Variants in FSTL5 observed in about 807,000 individuals in gnomAD.
FSTL5 encodes follistatin like 5.
In FSTL5, 62 loss-of-function variants were observed where a neutral mutation model predicts 89.1. The ratio of observed to expected loss-of-function variants is 0.70; its 90% CI spans 0.57 to 0.86. FSTL5 has a LOEUF of 0.86. Among genes scored for constraint, FSTL5 ranks in the 40% least tolerant of loss-of-function variants. The pLI is 0.00. For missense variants in FSTL5, 1,057 were observed against 1,001.6 expected, an observed-to-expected ratio of 1.06 and a Z score of -0.75; for synonymous variants, 383 against 346.2, an observed-to-expected ratio of 1.11 and a Z score of -1.18.
At chr4:161,654,922 G>A (rs140917919) in intron 7 of FSTL5, among the ~76,000 whole-genome samples, 1 of 152,240 alleles carries the variant, frequency 6.6e-6, no homozygotes, top group Non-Finnish European at 1.5e-5. Context: ...AGAAGGAACA[G>A]GTGATTGCCC....
At chr4:162,118,266 GTCT>G (rs1219696130) in intron 1 of FSTL5, among the ~76,000 whole-genome samples, 2 of 15,578 alleles carry the variant, frequency 1.3e-4, no homozygotes, top group African/African-American at 2.3e-4. Flanking sequence ...TCTCCAAAGA[GTCT>G]TTTTTTTTTT....
chr4:161,516,656 T>C (rs1437641185), intron 10 of FSTL5, among the ~76,000 whole-genome samples: 1 of 112,830 alleles, frequency 8.9e-6, no homozygotes, highest in Admixed American at 1.1e-4. Context: ...ATATAATAAA[T>C]TATATATACA....
chr4:161,422,632 C>A (rs1452423172), intron 15 of FSTL5, among the ~76,000 whole-genome samples: 1 of 152,142 alleles, frequency 6.6e-6, no homozygotes, highest in Non-Finnish European at 1.5e-5. Flanking sequence ...GTATCGCTAA[C>A]CCTTGCTTTC....
At chr4:161,890,517 G>A (rs886806322) in intron 4 of FSTL5, among the ~76,000 whole-genome samples, 1 of 151,660 alleles carries the variant, frequency 6.6e-6, no homozygotes, top group African/African-American at 2.4e-5. Flanking sequence ...GTGAAACCCC[G>A]TCTCTACTAA....
intron 2 of FSTL5, among the ~76,000 whole-genome samples, chr4:162,103,540 T>G (rs1023035056): frequency 6.6e-6 from 1 of 152,236 alleles, no homozygotes; most frequent in African/African-American, 2.4e-5. Context: ...AACCTCCATT[T>G]GTTCTGGACC....
chr4:162,136,577 A>G (rs567295810), intron 1 of FSTL5, among the ~76,000 whole-genome samples: 2 of 152,172 alleles, frequency 1.3e-5, no homozygotes, highest in East Asian at 3.9e-4. Context: ...AATGAGCCCA[A>G]AACATTAGAA....
At chr4:162,104,408 G>GGCTACCATCTTGGAAGCGGCCC (rs1222368496) in intron 2 of FSTL5, among the ~76,000 whole-genome samples, 20 of 152,160 alleles carry the variant, frequency 1.3e-4, no homozygotes, top group African/African-American at 4.6e-4. Flanking sequence ...GGAAGCCTCC[G>GGCTACCATCTTGGAAGCGGCCC]GCTACCATCT....
At chr4:161,460,900 A>G (rs1733543948) in intron 13 of FSTL5, among the ~76,000 whole-genome samples, 2 of 151,848 alleles carry the variant, frequency 1.3e-5, no homozygotes, top group South Asian at 2.1e-4. Context: ...ACTGATATTG[A>G]GTTTCCCAGC....
intron 4 of FSTL5, among the ~76,000 whole-genome samples, chr4:161,884,271 C>A (rs983764985): frequency 6.6e-6 from 1 of 152,104 alleles, no homozygotes; most frequent in East Asian, 1.9e-4. Context: ...CTCCTGACCT[C>A]GTGATCTGCC....
intron 6 of FSTL5, among the ~76,000 whole-genome samples, chr4:161,748,618 T>G (rs1180441955): frequency 2.0e-5 from 3 of 150,806 alleles, no homozygotes; most frequent in East Asian, 1.9e-4. Context: ...TTTTTTTTTT[T>G]TTTTTTTTTT....
chr4:161,500,545 T>C (rs1056222248), intron 11 of FSTL5, among the ~76,000 whole-genome samples: 5 of 152,104 alleles, frequency 3.3e-5, no homozygotes. Flanking sequence ...AAGTTTAATT[T>C]CTTTGCAGGA....
At chr4:161,915,340 T>C (rs1733808683) in intron 4 of FSTL5, among the ~76,000 whole-genome samples, 1 of 150,958 alleles carries the variant, frequency 6.6e-6, no homozygotes, top group Admixed American at 6.6e-5. Context: ...TCCTCTCCAT[T>C]TGTCTCCTTT....
intron 3 of FSTL5, among the ~76,000 whole-genome samples, chr4:161,945,513 G>A (rs1233698387): frequency 6.6e-6 from 1 of 152,174 alleles, no homozygotes; most frequent in Non-Finnish European, 1.5e-5. Flanking sequence ...CAGCACTTTG[G>A]GAGGCTGAGG....
At chr4:161,712,841 CCT>C (rs965332794) in intron 6 of FSTL5, among the ~76,000 whole-genome samples, 1 of 151,446 alleles carries the variant, frequency 6.6e-6, no homozygotes, top group African/African-American at 2.4e-5. Flanking sequence ...CCCTCACCCC[CCT>C]CTCTCTCGTT....
intron 6 of FSTL5, among the ~76,000 whole-genome samples, chr4:161,659,929 C>T (rs939429415): frequency 6.6e-6 from 1 of 152,110 alleles, no homozygotes; most frequent in African/African-American, 2.4e-5. Flanking sequence ...TCATTTTATA[C>T]CCCTCTGCAT....
At chr4:161,472,358 A>G (rs1167017333) in intron 13 of FSTL5, among the ~76,000 whole-genome samples, 1 of 151,922 alleles carries the variant, frequency 6.6e-6, no homozygotes, top group South Asian at 2.1e-4. Flanking sequence ...TCTAATTTTT[A>G]TCAGTTCCTT....
At chr4:162,023,324 C>G (rs1737164257) in intron 3 of FSTL5, among the ~76,000 whole-genome samples, 1 of 152,130 alleles carries the variant, frequency 6.6e-6, no homozygotes, top group Non-Finnish European at 1.5e-5. Context: ...GAATAAGTGA[C>G]TGTATGAAGC....
intron 3 of FSTL5, among the ~76,000 whole-genome samples, chr4:162,013,802 T>C (rs978349155): frequency 1.3e-5 from 2 of 152,134 alleles, no homozygotes; most frequent in African/African-American, 2.4e-5. Context: ...GGTGACTTTT[T>C]TTTTTTTACT....
chr4:161,688,823 T>C (rs1737829392), intron 6 of FSTL5, among the ~76,000 whole-genome samples: 1 of 152,174 alleles, frequency 6.6e-6, no homozygotes, highest in South Asian at 2.1e-4. Context: ...TTATTCCCCT[T>C]GAAACCAACA....
Sources: gnomAD v4.1 joint callset for allele counts (sites outside exome capture counted in the v4.1 genomes callset) on GRCh38, gnomAD v4.1.1 for gene constraint, MANE v1.5 for transcripts, NCBI Gene and HGNC (gene_info 2026-07-23, HGNC 2026-07-21) for gene names.